The following IL18R1 variants were observed in gnomAD, a reference collection of about 807,000 sequenced individuals.
IL18R1 encodes interleukin 18 receptor 1.
Under a neutral mutation model 48.5 loss-of-function variants are expected in IL18R1, and 40 were observed. The observed-to-expected ratio is 0.82, with a 90% CI of 0.64 to 1.07. The LOEUF (loss-of-function observed/expected upper bound fraction) is 1.07. IL18R1 is among the 50% of genes least tolerant of loss of function. The pLI, the probability that IL18R1 is intolerant of heterozygous loss-of-function variation, is 0.00. For missense variants in IL18R1, 596 were observed against 633.7 expected (o/e 0.94, Z 0.64); for synonymous variants, 232 against 225.9 (o/e 1.03, Z -0.24).
At chr2:102,357,295 T>C (rs932398886) in intron 1 of IL18R1, among the ~76,000 whole-genome samples, 19 of 151,888 alleles carry the variant, frequency 1.3e-4, no homozygotes, top group African/African-American at 4.6e-4. Context: ...ATCGAGACCA[T>C]CCTGGCTAAC....
Position 102,396,762 on chromosome 2 carries a change from A to G in IL18R1, c.1502A>G (p.Lys501Arg). The G allele has an allele frequency of 1.2e-6, 2 of 1,614,076 alleles. No individual in the cohort carries two copies. Among genetic ancestry groups the G allele is most frequent in the Non-Finnish European group, 8.5e-7 (1 of 1,179,882 alleles). ...AAATCTCACAGAGTTCTGAAGTGGA[A>G]GGCCGATAAATCTCTTTCTTATAAC... ...LLKSHRVLKW[K>R]ADKSLSYNSR... is the part of the protein sequence containing the mutation. Residue 501 changes from lysine to arginine, a missense_variant, in exon 11 of 11, where the codon AAG becomes AGG. By Grantham distance (26) the Lys-to-Arg change is conservative (BLOSUM62 2). Around this residue, in one of 3 missense-constraint regions of IL18R1, gnomAD observed 179 missense variants for 206.1 expected, o/e 0.87. Transcript: ENST00000233957.
intron 10 of IL18R1, among the ~76,000 whole-genome samples, chr2:102,395,145 G>A (rs1680753848): frequency 1.3e-5 from 2 of 152,076 alleles, no homozygotes; most frequent in African/African-American, 2.4e-5. Flanking sequence ...ACAGGAAAGC[G>A]GTGATCCCCA....
intron 3 of IL18R1, among the ~76,000 whole-genome samples, chr2:102,370,299 C>A (rs1405347221): frequency 2.6e-5 from 4 of 152,194 alleles, no homozygotes; most frequent in Non-Finnish European, 5.9e-5. Context: ...AGGTAGAGAA[C>A]AATGTAGTCT....
At position 102,396,878 on chromosome 2, in the gene IL18R1, GAGTCTTAATCTTCAGAAAC is replaced by G. The variant is rs1680854409; in HGVS notation, c.1622_*14del. 6.3e-7 allele frequency: 1 copy of G among 1,578,712 alleles called. No individual in the cohort carries two copies. The highest frequency in any genetic ancestry group is 1.4e-5 in the African/African-American group (1 of 72,926). On this transcript the variant is annotated stop_lost and 3_prime_UTR_variant, in exon 11 of 11. Coordinates refer to ENST00000233957, the MANE Select transcript of IL18R1 (RefSeq NM_003855.5). The stretch of plus-strand genomic sequence containing the variant: ...ACCGGAAGTCTTGCCTGTTCTTTCC[GAGTCTTAATCTTCAGAAAC>G]AGTGAACGCCAAAAAGAACTCAAGA...
At chr2:102,368,631 T>G (rs1679053990) in intron 3 of IL18R1, among the ~76,000 whole-genome samples, 1 of 152,126 alleles carries the variant, frequency 6.6e-6, no homozygotes, top group Non-Finnish European at 1.5e-5. Context: ...GGGCTTTGCA[T>G]TTTACTCATG....
chr2:102,380,163 C>G (rs1334822058), intron 5 of IL18R1, among the ~76,000 whole-genome samples: 1 of 151,354 alleles, frequency 6.6e-6, no homozygotes, highest in Non-Finnish European at 1.5e-5. Context: ...GGTAGGCTGG[C>G]CATGTCAAGG....
At chr2:102,362,915 A>C in intron 2 of IL18R1, 197 bp downstream of exon 2, 5 of 378,656 alleles carry the variant, frequency 1.3e-5, no homozygotes, top group Non-Finnish European at 2.3e-5. Flanking sequence ...CTGAGGTGAA[A>C]ATTTATTTCA....
intron 9 of IL18R1, among the ~76,000 whole-genome samples, chr2:102,393,422 C>T (rs975710717): frequency 3.9e-5 from 6 of 152,294 alleles, no homozygotes; most frequent in African/African-American, 1.4e-4. Flanking sequence ...TAGGTTCTAA[C>T]CCAAATTGCT....
intron 2 of IL18R1, among the ~76,000 whole-genome samples, chr2:102,366,441 A>T (rs980320064): frequency 6.6e-6 from 1 of 152,200 alleles, no homozygotes; most frequent in Non-Finnish European, 1.5e-5. Flanking sequence ...AGTCTTTAGG[A>T]AGTTCCAAAC....
Position 102,386,363 on chromosome 2 carries a change from T to G in IL18R1, c.810-498T>G, listed in dbSNP as rs887259201. ...CTCATGGAACAACTTAACTGGCACTTCTCATGTGCCTCGGGGTGCTTGAGA... is the reference window on the plus strand; with the variant it reads ...CTCATGGAACAACTTAACTGGCACTGCTCATGTGCCTCGGGGTGCTTGAGA... On this transcript the variant is annotated intron_variant, in intron 7 of 10. Transcript: ENST00000233957. Among the ~76,000 whole-genome samples, 3 of 152,370 alleles carry G rather than the reference T, an allele frequency of 2.0e-5. No homozygotes were observed. The East Asian group carries it at 5.8e-4, about 29-fold the overall frequency.
At chr2:102,395,208 A>G (rs1680757118) in intron 10 of IL18R1, among the ~76,000 whole-genome samples, 1 of 152,166 alleles carries the variant, frequency 6.6e-6, no homozygotes, top group African/African-American at 2.4e-5. Flanking sequence ...AGGAATACAA[A>G]TGGCCATAGT....
At chr2:102,379,923 C>A (rs770675791) in intron 5 of IL18R1, among the ~76,000 whole-genome samples, 1 of 152,126 alleles carries the variant, frequency 6.6e-6, no homozygotes, top group African/African-American at 2.4e-5. Flanking sequence ...TGCTTTGAGG[C>A]CTTCCAATGT....
intron 6 of IL18R1, among the ~76,000 whole-genome samples, chr2:102,382,435 T>A (rs1337121170): frequency 1.3e-5 from 2 of 152,128 alleles, no homozygotes; most frequent in Admixed American, 1.3e-4. Context: ...AGATAAGTCT[T>A]ATGAATCAAC....
At chr2:102,387,417 C>T (rs1573224573) in intron 8 of IL18R1, among the ~76,000 whole-genome samples, 1 of 152,190 alleles carries the variant, frequency 6.6e-6, no homozygotes, top group East Asian at 1.9e-4. Flanking sequence ...AGCAGGGTAC[C>T]AGGCTCAGGG....
At chr2:102,396,325 A>G (rs1680823821) in intron 10 of IL18R1, among the ~76,000 whole-genome samples, 1 of 152,192 alleles carries the variant, frequency 6.6e-6, no homozygotes, top group Non-Finnish European at 1.5e-5. Context: ...ATGGTACATA[A>G]TAAGTGCTAA....
chr2:102,362,767 A>G (rs758070434), intron 2 of IL18R1, 49 bp downstream of exon 2: 12 of 1,221,386 alleles, frequency 9.8e-6, no homozygotes, highest in Non-Finnish European at 1.4e-5. Context: ...TAATTGAGGA[A>G]GAATGTCAAA....
rs1283389093 is a variant in IL18R1 at position 102,356,311 on chromosome 2, C to T, written c.-118C>T. 1.0e-6 allele frequency: 1 copy of T among 984,288 alleles called. No individual in the cohort carries two copies. Among genetic ancestry groups the T allele is most frequent in the East Asian group, 1.1e-4 (1 of 8,792 alleles). The allele number at this position is 984,288 out of a possible 1,614,324, so 61.0% of individuals were successfully genotyped here. A position where few individuals can be genotyped will look rare whatever the true frequency, so the allele number is the denominator to read the frequency against. Reference sequence around the variant, plus strand: ...GGAGGCGGAGATCGCTGCTTCTCACCTACTTTCTGAACTTGGCCTCCGCAG... The same window carrying T: ...GGAGGCGGAGATCGCTGCTTCTCACTTACTTTCTGAACTTGGCCTCCGCAG... On this transcript the variant is annotated 5_prime_UTR_variant, in exon 1 of 11. Transcript: ENST00000233957.
rs1250745335 is a variant in IL18R1 at position 102,372,028 on chromosome 2, TA to T, written c.379del (p.Ser127ValfsTer12). ...GCTGTTTCACTGAAAGACAAGTAAC[TA>T]GTAAAATTGTGGAAGTTAAAAAATT... ...HSCFTERQVT[S>X]KIVEVKKFFQ... On this transcript the variant is annotated frameshift_variant, in exon 4 of 11. Coordinates refer to ENST00000233957, the MANE Select transcript of IL18R1 (RefSeq NM_003855.5). LOFTEE classifies it high-confidence loss of function. 1 of 1,596,360 alleles carries T rather than the reference TA, an allele frequency of 6.3e-7. No homozygotes were observed. The highest frequency in any genetic ancestry group is 1.3e-5 in the African/African-American group (1 of 74,326).
At chr2:102,356,466 T>A (rs1355171222) in intron 1 of IL18R1, 66 bp downstream of exon 1, 2 of 232,774 alleles carry the variant, frequency 8.6e-6, no homozygotes, top group Non-Finnish European at 1.4e-5. Flanking sequence ...AAGACCACCA[T>A]CCGGGGAGGG....
Sources: allele counts gnomAD v4.1 joint callset (sites outside exome capture counted in the v4.1 genomes callset), GRCh38; gene constraint gnomAD v4.1.1; regional missense constraint gnomAD v4.1.1; transcripts MANE v1.5; gene names NCBI Gene and HGNC (gene_info 2026-07-23, HGNC 2026-07-21).